Variants in CAAP1 observed in about 807,000 individuals in gnomAD.
CAAP1 encodes the protein caspase activity and apoptosis inhibitor 1.
In CAAP1, 20 loss-of-function variants were observed where a neutral mutation model predicts 34.0. The observed-to-expected ratio is 0.59, with a 90% CI of 0.41 to 0.86. The LOEUF (loss-of-function observed/expected upper bound fraction) is 0.86, where lower values mean the gene tolerates loss of function less well. CAAP1 is among the 40% of genes least tolerant of loss of function. The pLI is 0.00. For synonymous variants in CAAP1, 213 were observed against 166.7 expected (o/e 1.28, Z -2.14); for missense variants, 538 against 450.5 (o/e 1.19, Z -1.76).
chr9:26,878,804 G>A (rs1243750478), intron 4 of CAAP1, among the ~76,000 whole-genome samples: 1 of 150,422 alleles, frequency 6.6e-6, no homozygotes, highest in Non-Finnish European at 1.5e-5. Context: ...GACAGAGTGA[G>A]ACAGTGTCTA....
intron 1 of CAAP1, among the ~76,000 whole-genome samples, chr9:26,891,849 T>C (rs879482655): frequency 2.0e-5 from 3 of 152,238 alleles, no homozygotes; most frequent in Non-Finnish European, 4.4e-5. Context: ...TTAAAGTACC[T>C]ATTCATTCAT....
intron 1 of CAAP1, among the ~76,000 whole-genome samples, chr9:26,891,146 C>T (rs1823894656): frequency 6.6e-6 from 1 of 152,116 alleles, no homozygotes; most frequent in African/African-American, 2.4e-5. Flanking sequence ...CAGAAAACCA[C>T]CTGATAAAAT....
chr9:26,860,769 C>A (rs754314368), intron 5 of CAAP1, among the ~76,000 whole-genome samples: 1 of 151,830 alleles, frequency 6.6e-6, no homozygotes, highest in East Asian at 1.9e-4. Flanking sequence ...CCAGCCTGGG[C>A]GACAGGGCAA....
chr9:26,844,303 G>A (rs1822544289), intron 5 of CAAP1, among the ~76,000 whole-genome samples: 2 of 152,172 alleles, frequency 1.3e-5, no homozygotes, highest in African/African-American at 2.4e-5. Context: ...GTTGTGGTGA[G>A]CCAAGATCGT....
intron 5 of CAAP1, among the ~76,000 whole-genome samples, chr9:26,847,198 ATTTTTTTTTTTTTT>A (rs1171628621): frequency 8.3e-4 from 29 of 34,748 alleles, no homozygotes; most frequent in East Asian, 1.7e-3. Context: ...AAAAAGCAAT[ATTTTTTTTTTTTTT>A]TTTTTTTTTT....
intron 5 of CAAP1, among the ~76,000 whole-genome samples, chr9:26,845,476 A>G (rs1822577289): frequency 6.6e-6 from 1 of 152,154 alleles, no homozygotes; most frequent in Non-Finnish European, 1.5e-5. Context: ...CCAGGGTTCA[A>G]GCGATTCTCC....
chr9:26,861,198 A>G, intron 4 of CAAP1, 59 bp from the exon 5 acceptor site: 1 of 1,259,108 alleles, frequency 7.9e-7, no homozygotes, highest in Non-Finnish European at 1.2e-6. Flanking sequence ...AATATTTACT[A>G]CCCAGGTTCC....
intron 5 of CAAP1, among the ~76,000 whole-genome samples, chr9:26,851,866 G>A (rs2038012324): frequency 6.6e-6 from 1 of 152,054 alleles, no homozygotes; most frequent in South Asian, 2.1e-4. Flanking sequence ...AATACTTTCT[G>A]TTAGTAACAT....
chr9:26,844,717 C>G (rs1182031796), intron 5 of CAAP1, among the ~76,000 whole-genome samples: 1 of 152,176 alleles, frequency 6.6e-6, no homozygotes, highest in Admixed American at 6.5e-5. Flanking sequence ...TTTTTGTGAT[C>G]ATGTCAGTAT....
intron 4 of CAAP1, among the ~76,000 whole-genome samples, chr9:26,877,261 T>C (rs112875673): frequency 0.012 from 1,892 of 152,254 alleles, 39 homozygotes; most frequent in African/African-American, 0.043. Flanking sequence ...CCCCAAGATA[T>C]CAGTATGTAT....
At chr9:26,889,030 T>C (rs1823831603) in intron 1 of CAAP1, among the ~76,000 whole-genome samples, 1 of 152,148 alleles carries the variant, frequency 6.6e-6, no homozygotes, top group Admixed American at 6.5e-5. Context: ...TTAAAAACAT[T>C]ATGTTAAGTA....
At chr9:26,845,021 T>C (rs1822565598) in intron 5 of CAAP1, among the ~76,000 whole-genome samples, 1 of 152,252 alleles carries the variant, frequency 6.6e-6, no homozygotes, top group Non-Finnish European at 1.5e-5. Context: ...TCTGTCACTT[T>C]ATCAAGTCCC....
Position 26,884,871 on chromosome 9 carries a change from C to G in CAAP1, c.604G>C (p.Asp202His). 6.2e-7 allele frequency: 1 copy of G among 1,607,322 alleles called. No homozygotes were observed. Residue 202 changes from aspartate to histidine, a missense_variant, in exon 4 of 6, where the codon GAC (aspartate) becomes CAC (histidine). This residue lies in a region of CAAP1 where 514 missense variants were observed against 408.4 expected (regional missense o/e 1.26). Transcript: ENST00000333916. ...TCTGCTTCCTCTTCCATATCAGAGTCCATTCCATTGTCACCTTATAAATGA... is the reference window on the plus strand; with the variant it reads ...TCTGCTTCCTCTTCCATATCAGAGTGCATTCCATTGTCACCTTATAAATGA... ...LKILEGDNGM[D>H]SDMEEEADDG...
intron 4 of CAAP1, among the ~76,000 whole-genome samples, chr9:26,877,302 T>C (rs1399460972): frequency 5.9e-5 from 9 of 151,908 alleles, no homozygotes; most frequent in Admixed American, 5.9e-4. Flanking sequence ...GAAAAAAAAA[T>C]CTGAAATCCA....
intron 1 of CAAP1, among the ~76,000 whole-genome samples, chr9:26,888,853 A>G (rs927746817): frequency 1.9e-4 from 29 of 152,362 alleles, no homozygotes; most frequent in African/African-American, 7.0e-4. Flanking sequence ...AATGCCCATC[A>G]AGTGATAAAT....
chr9:26,850,752 T>A (rs998356468), intron 5 of CAAP1, among the ~76,000 whole-genome samples: 5 of 152,210 alleles, frequency 3.3e-5, no homozygotes, highest in African/African-American at 1.2e-4. Context: ...CATTCAGCAA[T>A]ACTGTGTTAT....
At chr9:26,846,278 G>T (rs1230787354) in intron 5 of CAAP1, among the ~76,000 whole-genome samples, 2 of 151,794 alleles carry the variant, frequency 1.3e-5, no homozygotes, top group Non-Finnish European at 2.9e-5. Flanking sequence ...TTAGCCGAGC[G>T]TGGTGGCGGG....
rs2131324976 is a variant in CAAP1 at position 26,872,932 on chromosome 9, A to G, written c.666-11793T>C. Among the ~76,000 whole-genome samples, 3 of 152,302 alleles carry G rather than the reference A, an allele frequency of 2.0e-5. No individual in the cohort carries two copies. The Middle Eastern group carries it at 0.01, about 518-fold the overall frequency. ...CACCCATCCTCTACTAAGAAGCAGTAGTGGCTAGAAACAACAGCTCCAAAA... is the reference window on the plus strand; with the variant it reads ...CACCCATCCTCTACTAAGAAGCAGTGGTGGCTAGAAACAACAGCTCCAAAA... On this transcript the variant is annotated intron_variant, in intron 4 of 5. Transcript: ENST00000333916.
chr9:26,864,478 C>G (rs551560216), intron 4 of CAAP1, among the ~76,000 whole-genome samples: 2 of 151,104 alleles, frequency 1.3e-5, no homozygotes, highest in Admixed American at 1.3e-4. Context: ...AATCCTACAC[C>G]TGCTGAAGGA....
Sources: gnomAD v4.1 joint callset for allele counts (sites outside exome capture counted in the v4.1 genomes callset) on GRCh38, gnomAD v4.1.1 for gene constraint, gnomAD v4.1.1 regional missense constraint, MANE v1.5 for transcripts, NCBI Gene and HGNC (gene_info 2026-07-23, HGNC 2026-07-21) for gene names.